The following IQCJ variants were observed in gnomAD, a reference collection of about 807,000 sequenced individuals.
The protein encoded by IQCJ is IQ domain-containing protein J.
IQCJ carries 9 observed loss-of-function variants against 11.0 expected under a neutral mutation model. That is an observed-to-expected ratio of 0.82 (90% CI 0.49 to 1.43). The LOEUF is 1.43. Among genes scored for constraint, IQCJ ranks in the 40% most tolerant of loss-of-function variants. The pLI, the probability that IQCJ is intolerant of heterozygous loss-of-function variation, is 0.00. For missense variants in IQCJ, 146 were observed against 133.2 expected, an observed-to-expected ratio of 1.10 and a Z score of -0.47; for synonymous variants, 55 against 51.3, an observed-to-expected ratio of 1.07 and a Z score of -0.31.
intron 2 of IQCJ, among the ~76,000 whole-genome samples, chr3:159,248,182 A>G (rs371385265): frequency 4.7e-4 from 71 of 152,306 alleles, no homozygotes; most frequent in African/African-American, 1.6e-3. Context: ...TATTGAGAGC[A>G]TTAAATGAGA....
intron 1 of IQCJ, among the ~76,000 whole-genome samples, chr3:159,091,674 G>GCACACACACACACACACACACA (rs1170628138): frequency 2.5e-5 from 2 of 81,270 alleles, no homozygotes; most frequent in African/African-American, 8.3e-5. Context: ...ACACACGCAT[G>GCACACACACACACACACACACA]CACACACACA....
intron 1 of IQCJ, among the ~76,000 whole-genome samples, chr3:159,071,303 T>C (rs1715544808): frequency 6.6e-6 from 1 of 152,024 alleles, no homozygotes; most frequent in African/African-American, 2.4e-5. Flanking sequence ...AGGCTATTAA[T>C]GTTATACTCA....
intron 1 of IQCJ, among the ~76,000 whole-genome samples, chr3:159,125,883 A>G (rs1268852559): frequency 1.3e-5 from 2 of 152,204 alleles, no homozygotes; most frequent in African/African-American, 2.4e-5. Flanking sequence ...GTGCTGTGGG[A>G]TCCGTATTCC....
At position 159,142,376 on chromosome 3, in the gene IQCJ, G is replaced by A. The variant is rs73027681; in HGVS notation, c.9+72935G>A. On this transcript the variant is annotated intron_variant, in intron 1 of 3. Coordinates refer to ENST00000397832, the MANE Select transcript of IQCJ (RefSeq NM_001042706.3). ...ACGGGCTTTGTCCGTGAGAAGCTGC[G>A]TTGTTCAGATATCCATGATGGTAAG... Among the ~76,000 whole-genome samples, 579 of 152,134 alleles carry A rather than the reference G, an allele frequency of 3.8e-3. 8 individuals are homozygous for A. Among genetic ancestry groups the A allele is most frequent in the African/African-American group, 0.013 (533 of 41,482 alleles).
At chr3:159,101,372 T>C (rs182907414) in intron 1 of IQCJ, among the ~76,000 whole-genome samples, 1 of 152,102 alleles carries the variant, frequency 6.6e-6, no homozygotes, top group African/African-American at 2.4e-5. Flanking sequence ...CTGTTCCTAT[T>C]CGGCCATCTT....
chr3:159,203,695 A>G (rs1259157533), intron 1 of IQCJ, among the ~76,000 whole-genome samples: 1 of 152,060 alleles, frequency 6.6e-6, no homozygotes, highest in East Asian at 1.9e-4. Flanking sequence ...GAGAGGAGAC[A>G]GAGGGATTGA....
At chr3:159,202,315 T>A (rs2108069554) in intron 1 of IQCJ, among the ~76,000 whole-genome samples, 1 of 152,282 alleles carries the variant, frequency 6.6e-6, no homozygotes, top group East Asian at 1.9e-4. Context: ...TGAAGATAAT[T>A]TGGTGAATCA....
At chr3:159,194,851 G>A (rs1036497883) in intron 1 of IQCJ, among the ~76,000 whole-genome samples, 4 of 152,126 alleles carry the variant, frequency 2.6e-5, no homozygotes, top group South Asian at 4.1e-4. Context: ...GGTGGCTCAC[G>A]CCTGTAATCC....
chr3:159,124,547 A>T (rs1719561289), intron 1 of IQCJ, among the ~76,000 whole-genome samples: 1 of 152,102 alleles, frequency 6.6e-6, no homozygotes, highest in Non-Finnish European at 1.5e-5. Flanking sequence ...CAGGGAAGAG[A>T]TAAGCAGGTT....
At chr3:159,248,846 G>A (rs1205028983) in intron 2 of IQCJ, among the ~76,000 whole-genome samples, 1 of 150,874 alleles carries the variant, frequency 6.6e-6, no homozygotes, top group Non-Finnish European at 1.5e-5. Context: ...TGGCCATGCT[G>A]GTTTTTCATT....
chr3:159,170,699 C>T (rs1165085387), intron 1 of IQCJ, among the ~76,000 whole-genome samples: 2 of 151,480 alleles, frequency 1.3e-5, no homozygotes, highest in Non-Finnish European at 2.9e-5. Context: ...TCAAAGATTA[C>T]CTTAGCTGGG....
intron 1 of IQCJ, among the ~76,000 whole-genome samples, chr3:159,139,916 C>T (rs544652752): frequency 6.6e-6 from 1 of 152,256 alleles, no homozygotes; most frequent in East Asian, 1.9e-4. Context: ...TGGACAGGGC[C>T]AGGATCCAAA....
intron 1 of IQCJ, among the ~76,000 whole-genome samples, chr3:159,197,375 C>T (rs1724049678): frequency 6.6e-6 from 1 of 152,200 alleles, no homozygotes. Flanking sequence ...TCCATTCCCT[C>T]TCTTCTAAGC....
chr3:159,256,025 C>T (rs1727874446), intron 3 of IQCJ, among the ~76,000 whole-genome samples: 1 of 152,204 alleles, frequency 6.6e-6, no homozygotes, highest in East Asian at 1.9e-4. Context: ...GCAGCACAGG[C>T]AGAGGTGGGC....
intron 1 of IQCJ, among the ~76,000 whole-genome samples, chr3:159,211,686 A>G (rs1013768831): frequency 6.6e-6 from 1 of 152,210 alleles, no homozygotes; most frequent in Non-Finnish European, 1.5e-5. Context: ...TTTAAATGGC[A>G]ATAAGGTGCA....
At chr3:159,209,403 C>T (rs940299978) in intron 1 of IQCJ, among the ~76,000 whole-genome samples, 4 of 152,144 alleles carry the variant, frequency 2.6e-5, no homozygotes, top group Admixed American at 2.6e-4. Context: ...AATGAAGTCT[C>T]CCCATTCACC....
intron 1 of IQCJ, among the ~76,000 whole-genome samples, chr3:159,121,283 A>G (rs966277618): frequency 2.6e-5 from 4 of 151,612 alleles, no homozygotes; most frequent in Non-Finnish European, 5.9e-5. Context: ...ACAGGCATGC[A>G]TTACCATGCC....
intron 1 of IQCJ, among the ~76,000 whole-genome samples, chr3:159,242,201 C>T (rs1297547887): frequency 6.6e-6 from 1 of 152,014 alleles, no homozygotes. Flanking sequence ...GGTGGGGGTT[C>T]GTGTTACATA....
chr3:159,251,441 A>T (rs927814869), intron 2 of IQCJ, among the ~76,000 whole-genome samples: 1 of 151,782 alleles, frequency 6.6e-6, no homozygotes, highest in Non-Finnish European at 1.5e-5. Flanking sequence ...TCCCTGCTGC[A>T]ATAGATTATG....
Sources: allele counts gnomAD v4.1 joint callset (sites outside exome capture counted in the v4.1 genomes callset), GRCh38; gene constraint gnomAD v4.1.1; transcripts MANE v1.5; gene names NCBI Gene and HGNC (gene_info 2026-07-23, HGNC 2026-07-21).